Variants in NXF1 observed in about 807,000 individuals in gnomAD.
NXF1 encodes nuclear RNA export factor 1.
Under a neutral mutation model 92.4 loss-of-function variants are expected in NXF1, and 43 were observed. That is an observed-to-expected ratio of 0.47 (90% confidence interval 0.36 to 0.60). NXF1 has a LOEUF of 0.60. NXF1 is among the 20% of genes least tolerant of loss of function. NXF1 has a pLI of 0.00. For synonymous variants in NXF1, 288 were observed against 292.2 expected (o/e 0.99, Z 0.15); for missense variants, 576 against 793.0 (o/e 0.73, Z 3.29).
chr11:62,800,375 A>G lies in NXF1; in HGVS notation c.1016+2T>C. On this transcript the variant is annotated splice_donor_variant, in intron 10 of 20. Transcript: ENST00000294172. LOFTEE classifies it high-confidence loss of function. Reference sequence around the variant, plus strand: ...GGAGGGGAGACACAGGCTACAACTGACCTGATGTAGGTGGACTGGTCTCGG... The same window carrying G: ...GGAGGGGAGACACAGGCTACAACTGGCCTGATGTAGGTGGACTGGTCTCGG... The G allele has an allele frequency of 6.2e-7, 1 of 1,613,946 alleles. No individual in the cohort carries two copies. Among genetic ancestry groups the G allele is most frequent in the Non-Finnish European group, 8.5e-7 (1 of 1,179,920 alleles).
intron 9 of NXF1, 108 bp downstream of exon 9, chr11:62,800,986 C>A: frequency 1.2e-6 from 1 of 815,636 alleles, no homozygotes; most frequent in South Asian, 1.6e-5. Flanking sequence ...AGTTGCAAAC[C>A]AGCACATCTG....
At chr11:62,801,712 G>C (rs1415705288) in intron 6 of NXF1, 27 bp downstream of exon 6, 1 of 1,611,264 alleles carries the variant, frequency 6.2e-7, no homozygotes, top group Non-Finnish European at 8.5e-7. Flanking sequence ...GACTGGGTTG[G>C]AAACATCTAA....
At position 62,802,028 on chromosome 11, in the gene NXF1, G is replaced by A. The variant is rs969629126; in HGVS notation, c.472C>T (p.Arg158Trp). 2 of 1,614,122 alleles carry A rather than the reference G, an allele frequency of 1.2e-6. No individual in the cohort carries two copies. Among genetic ancestry groups the A allele is most frequent in the Non-Finnish European group, 1.7e-6 (2 of 1,179,950 alleles). Reference protein sequence around the residue: ...TPIEFHYENTRAQFFVEDAST... With the variant: ...TPIEFHYENTWAQFFVEDAST... ...GCGTCTTCAACGAAGAACTGGGCCCGTGTATTCTCATAGTGAAACTACAAG... is the reference window on the plus strand; with the variant it reads ...GCGTCTTCAACGAAGAACTGGGCCCATGTATTCTCATAGTGAAACTACAAG... The change falls in exon 5 of 21, where the codon CGG (arginine) becomes TGG (tryptophan). Residue 158 changes from arginine to tryptophan, a missense_variant. Physicochemically the swap from Arg to Trp is moderately radical, Grantham distance 101. Coordinates refer to ENST00000294172, the MANE Select transcript of NXF1 (RefSeq NM_006362.5).
chr11:62,802,613 T>A (rs1246221084), intron 3 of NXF1, among the ~76,000 whole-genome samples: 7 of 152,056 alleles, frequency 4.6e-5, no homozygotes, highest in African/African-American at 1.7e-4. Context: ...AATTTTAAAA[T>A]TTTCTGTAGA....
intron 17 of NXF1, 58 bp from the exon 18 acceptor site, chr11:62,795,065 G>C: frequency 6.8e-7 from 1 of 1,477,638 alleles, no homozygotes; most frequent in Non-Finnish European, 9.5e-7. Flanking sequence ...TTTACAAACA[G>C]CTTCTTGAAT....
In NXF1 at chr11:62,802,035, C is replaced by T; in HGVS notation, c.465G>A (p.Glu155=). 6.2e-7 allele frequency: 1 copy of T among 1,614,162 alleles called. No homozygotes were observed. The highest frequency in any genetic ancestry group is 1.1e-5 in the South Asian group (1 of 91,082). ...CAACGAAGAACTGGGCCCGTGTATTCTCATAGTGAAACTACAAGAGGAAAC... is the reference window on the plus strand; with the variant it reads ...CAACGAAGAACTGGGCCCGTGTATTTTCATAGTGAAACTACAAGAGGAAAC... ...VPFTPIEFHY[E]NTRAQFFVED... The change falls in exon 5 of 21, where the codon GAG becomes GAA. Residue 155 remains glutamate (E), a synonymous_variant. Coordinates refer to ENST00000294172, the MANE Select transcript of NXF1 (RefSeq NM_006362.5).
chr11:62,800,112 T>A (rs1259643556), intron 10 of NXF1: 3 of 1,319,842 alleles, frequency 2.3e-6, no homozygotes, highest in Admixed American at 3.3e-5. Context: ...GTAGGGAGAT[T>A]CTAGAAAAGG....
Position 62,805,398 on chromosome 11 carries a change from A to G in NXF1, c.-42T>C, listed in dbSNP as rs747511104. 2.5e-6 allele frequency: 4 copies of G among 1,609,242 alleles called. No individual in the cohort carries two copies. The highest frequency in any genetic ancestry group is 1.3e-5 in the African/African-American group (1 of 74,666). On this transcript the variant is annotated 5_prime_UTR_variant, in exon 1 of 21. Transcript: ENST00000294172. Reference sequence around the variant, plus strand: ...AGGGCGGGCTCAGGCGCTGGCCGCTACGCCGGCAAACAACCTAACTCCCAA... The same window carrying G: ...AGGGCGGGCTCAGGCGCTGGCCGCTGCGCCGGCAAACAACCTAACTCCCAA...
At chr11:62,801,471 A>T in intron 7 of NXF1, 54 bp from the exon 8 acceptor site, 1 of 1,607,254 alleles carries the variant, frequency 6.2e-7, no homozygotes, top group Non-Finnish European at 8.5e-7. Context: ...TGCCCATGCC[A>T]GCATTAGCAG....
At position 62,796,444 on chromosome 11, in the gene NXF1, G is replaced by A; in HGVS notation, c.1286+16C>T. ...AACCCAGTGGTCCCGGGCAGATTCT[G>A]GGATGTGATACTAACCGGGCAGGGT... On this transcript the variant is annotated intron_variant, in intron 14 of 20. Coordinates refer to ENST00000294172, the MANE Select transcript of NXF1 (RefSeq NM_006362.5). 6.2e-7 allele frequency: 1 copy of A among 1,613,582 alleles called. No individual in the cohort carries two copies. The highest frequency in any genetic ancestry group is 2.2e-5 in the East Asian group (1 of 44,876).
chr11:62,798,165 C>A (rs181132531), intron 11 of NXF1, among the ~76,000 whole-genome samples: 1 of 150,230 alleles, frequency 6.7e-6, no homozygotes, highest in Non-Finnish European at 1.5e-5. Flanking sequence ...GAGTGGCTCA[C>A]GTCTGTAATC....
At chr11:62,799,998 A>C (rs890592929) in intron 10 of NXF1, 1 of 1,012,592 alleles carries the variant, frequency 9.9e-7, no homozygotes, top group Non-Finnish European at 1.2e-6. Flanking sequence ...TCCTCAACCC[A>C]TGGACACCAG....
In NXF1 at chr11:62,794,368, C is replaced by T. The variant is rs765185841; in HGVS notation, c.1650G>A (p.Met550Ile). ...GGCTGGAGGAAGGCGTGGGTGCAGGCATAGCGAAGGCTCTTTGGATCTCTT... is the reference window on the plus strand; with the variant it reads ...GGCTGGAGGAAGGCGTGGGTGCAGGTATAGCGAAGGCTCTTTGGATCTCTT... ...SSEEIQRAFAMPAPTPSSSPV... is the reference protein window; with the variant it reads ...SSEEIQRAFAIPAPTPSSSPV... Residue 550 changes from methionine to isoleucine, a missense_variant, in exon 19 of 21, where the codon ATG becomes ATA. By Grantham distance (10) the Met-to-Ile change is conservative (BLOSUM62 1). Transcript: ENST00000294172. The T allele has an allele frequency of 6.2e-7, 1 of 1,614,160 alleles. No homozygotes were observed. The highest frequency in any genetic ancestry group is 1.6e-4 in the Middle Eastern group (1 of 6,062).
chr11:62,792,603 G>A (rs1185353244), intron 20 of NXF1, 38 bp downstream of exon 20: 2 of 1,613,942 alleles, frequency 1.2e-6, no homozygotes, highest in East Asian at 4.5e-5. Context: ...GAGGCCCAGA[G>A]ATCCTAGTCT....
chr11:62,803,277 C>T, intron 3 of NXF1, 142 bp downstream of exon 3: 1 of 653,242 alleles, frequency 1.5e-6, no homozygotes, highest in Non-Finnish European at 2.4e-6. Flanking sequence ...GATCACGCCA[C>T]TGTACTCCAG....
rs530957741 is a variant in NXF1 at position 62,805,424 on chromosome 11, G to A, written c.-68C>T. On this transcript the variant is annotated 5_prime_UTR_variant, in exon 1 of 21. Transcript: ENST00000294172. The stretch of plus-strand genomic sequence containing the variant: ...CGCCGGCAAACAACCTAACTCCCAA[G>A]CGCTCAGGACCGAAGTGTCCCTACG... The A allele has an allele frequency of 5.0e-4, 799 of 1,603,614 alleles. 1 individual carries two copies. Among genetic ancestry groups the A allele is most frequent in the Middle Eastern group, 4.0e-3 (24 of 6,038 alleles).
intron 1 of NXF1, among the ~76,000 whole-genome samples, chr11:62,804,803 G>T (rs150805268): frequency 3.9e-5 from 6 of 152,148 alleles, no homozygotes; most frequent in Admixed American, 3.3e-4. Flanking sequence ...CATTAAGGGG[G>T]TGGAAAACGA....
chr11:62,797,990 G>A lies in NXF1; in HGVS notation c.1053+549C>T, dbSNP rs529795361. ...CTAAAAATACACAAAGAAATTAGCCGGGCATTGTGGCACATGCCTGTAATC... is the reference window on the plus strand; with the variant it reads ...CTAAAAATACACAAAGAAATTAGCCAGGCATTGTGGCACATGCCTGTAATC... On this transcript the variant is annotated intron_variant, in intron 11 of 20. Coordinates refer to ENST00000294172, the MANE Select transcript of NXF1 (RefSeq NM_006362.5). Among the ~76,000 whole-genome samples, 6 of 151,990 alleles carry A rather than the reference G, an allele frequency of 3.9e-5. No individual in the cohort carries two copies. In the East Asian group the frequency reaches 7.7e-4, roughly 20 times the overall value.
chr11:62,796,062 T>A lies in NXF1; in HGVS notation c.1461+4A>T, dbSNP rs2084417172. The A allele has an allele frequency of 6.3e-7, 1 of 1,591,276 alleles. No individual in the cohort carries two copies. Among genetic ancestry groups the A allele is most frequent in the Non-Finnish European group, 8.6e-7 (1 of 1,167,532 alleles). On this transcript the variant is annotated splice_donor_region_variant and intron_variant, in intron 16 of 20. Transcript: ENST00000294172. ...GCTTCTGTCAGGCGCAAGCAGGAGC[T>A]TACTGTCTGGGCGCTTATGTCTACC...
Sources: gnomAD v4.1 joint callset for allele counts (sites outside exome capture counted in the v4.1 genomes callset) on GRCh38, gnomAD v4.1.1 for gene constraint, MANE v1.5 for transcripts, NCBI Gene and HGNC (gene_info 2026-07-23, HGNC 2026-07-21) for gene names.